S100Z: variants seen among roughly 807,000 people sequenced by gnomAD.
S100Z encodes protein S100-Z.
Under a neutral mutation model 8.5 loss-of-function variants are expected in S100Z, and 11 were observed. The ratio of observed to expected loss-of-function variants is 1.30; its 90% CI spans 0.82 to 2.15. S100Z has a LOEUF of 2.15. S100Z is among the 30% of genes most tolerant of loss of function. The probability of loss-of-function intolerance (pLI) is 0.00; values close to 1 mark genes in which losing one functional copy is unlikely to be tolerated. For missense variants in S100Z, 126 were observed against 117.9 expected (o/e 1.07, Z -0.32); for synonymous variants, 34 against 43.8 (o/e 0.78, Z 0.89).
At chr5:76,909,685 C>T (rs1213817743) in intron 4 of S100Z, among the ~76,000 whole-genome samples, 2 of 152,136 alleles carry the variant, frequency 1.3e-5, no homozygotes. Flanking sequence ...CAGTTATGTC[C>T]CCTTCAAGCT....
chr5:76,946,164 T>C, the S100Z span, among the ~76,000 whole-genome samples: 11,979 of 152,268 alleles, frequency 0.079, 775 homozygotes, highest in African/African-American at 0.18. Context: ...TTGTTTCTGA[T>C]TCACTGCGAT....
the S100Z span, among the ~76,000 whole-genome samples, chr5:76,928,779 C>T: frequency 0.022 from 3,390 of 152,274 alleles, 64 homozygotes; most frequent in Non-Finnish European, 0.034. Flanking sequence ...CTCACTCTGT[C>T]GCCCAAGCTG....
intron 4 of S100Z, among the ~76,000 whole-genome samples, chr5:76,912,013 C>T (rs1410494333): frequency 6.6e-6 from 1 of 152,162 alleles, no homozygotes; most frequent in Non-Finnish European, 1.5e-5. Flanking sequence ...AACCCCACAA[C>T]CAGTGGCATA....
chr5:76,934,075 A>G, the S100Z span, among the ~76,000 whole-genome samples: 1 of 152,234 alleles, frequency 6.6e-6, no homozygotes, highest in Non-Finnish European at 1.5e-5. Flanking sequence ...CTTATACTAA[A>G]TAACTTGCCC....
intron 2 of S100Z, among the ~76,000 whole-genome samples, chr5:76,872,491 A>G (rs1482180047): frequency 6.6e-6 from 1 of 151,930 alleles, no homozygotes; most frequent in Admixed American, 6.6e-5. Flanking sequence ...GGGAGACCCC[A>G]TATCTACAAA....
downstream of S100Z, among the ~76,000 whole-genome samples, chr5:76,925,951 A>G (rs2150692793): frequency 6.6e-6 from 1 of 152,312 alleles, no homozygotes; most frequent in Middle Eastern, 3.4e-3. Flanking sequence ...TGGGTGACAG[A>G]GTGAGACTCC....
chr5:76,872,189 G>C (rs1743035352), intron 2 of S100Z, among the ~76,000 whole-genome samples: 1 of 152,124 alleles, frequency 6.6e-6, no homozygotes, highest in Non-Finnish European at 1.5e-5. Context: ...CGAGGCTGCA[G>C]TGAGCCATTA....
At position 76,882,748 on chromosome 5, in the gene S100Z, T is replaced by C. The variant is rs578178965; in HGVS notation, c.*2+4914T>C. On this transcript the variant is annotated intron_variant, in intron 4 of 4. Transcript: ENST00000317593. ...AGTAATGGGGGCTGTCCGTGAAGCC[T>C]TGTGGCAGTACAGCCCAGGTAATTT... Among the ~76,000 whole-genome samples, 4 of 152,322 alleles carry C rather than the reference T, an allele frequency of 2.6e-5. No homozygotes were observed. The East Asian group carries it at 5.8e-4, about 22-fold the overall frequency.
intron 1 of S100Z, among the ~76,000 whole-genome samples, chr5:76,853,958 T>C (rs1750804850): frequency 6.6e-6 from 1 of 152,066 alleles, no homozygotes; most frequent in Admixed American, 6.6e-5. Flanking sequence ...TCTGGTTGTT[T>C]GAAAGATCTT....
At chr5:76,859,930 G>T (rs1751007502) in intron 1 of S100Z, among the ~76,000 whole-genome samples, 1 of 152,144 alleles carries the variant, frequency 6.6e-6, no homozygotes. Flanking sequence ...ACCCAAAACT[G>T]GCAAATCCAG....
intron 1 of S100Z, among the ~76,000 whole-genome samples, chr5:76,867,471 T>C (rs1742803833): frequency 6.6e-6 from 1 of 152,180 alleles, no homozygotes; most frequent in South Asian, 2.1e-4. Context: ...CTTCTTCACA[T>C]ACGTCTTGTC....
intron 4 of S100Z, among the ~76,000 whole-genome samples, chr5:76,882,977 A>C (rs148962376): frequency 0.011 from 1,749 of 152,292 alleles, 39 homozygotes; most frequent in African/African-American, 0.039. Context: ...TTGGTTGATA[A>C]GGCGCAGATC....
intron 4 of S100Z, among the ~76,000 whole-genome samples, chr5:76,913,801 G>GT (rs1183500482): frequency 6.6e-6 from 1 of 152,158 alleles, no homozygotes; most frequent in African/African-American, 2.4e-5. Flanking sequence ...GAAGAGTGCT[G>GT]TTTTTATACT....
chr5:76,902,760 AG>A (rs1744279053), intron 4 of S100Z, among the ~76,000 whole-genome samples: 2 of 151,404 alleles, frequency 1.3e-5, no homozygotes, highest in African/African-American at 4.9e-5. Context: ...TTTTAATTTT[AG>A]ATGCTCTCTT....
the S100Z span, among the ~76,000 whole-genome samples, chr5:76,933,691 T>G: frequency 3.9e-5 from 6 of 152,298 alleles, no homozygotes; most frequent in East Asian, 9.6e-4. Context: ...ACTTGAAAAT[T>G]TATTCTCATT....
intron 4 of S100Z, among the ~76,000 whole-genome samples, chr5:76,910,515 G>C (rs1256220674): frequency 6.6e-6 from 1 of 152,180 alleles, no homozygotes; most frequent in South Asian, 2.1e-4. Context: ...GGGATGGCTT[G>C]TTATCAGTGT....
chr5:76,869,214 A>C (rs12152998), intron 1 of S100Z, among the ~76,000 whole-genome samples: 63,924 of 151,858 alleles, frequency 0.42, 13,793 homozygotes, highest in East Asian at 0.67. Context: ...GAACTCATTC[A>C]AAGTGTGGAG....
chr5:76,868,623 C>CTTTT (rs35398110), intron 1 of S100Z, among the ~76,000 whole-genome samples: 10 of 122,846 alleles, frequency 8.1e-5, no homozygotes, highest in Non-Finnish European at 9.8e-5. Context: ...AATTCAAACT[C>CTTTT]TTTTTTTTTT....
At chr5:76,918,704 A>C (rs1744936009) in intron 4 of S100Z, among the ~76,000 whole-genome samples, 1 of 152,160 alleles carries the variant, frequency 6.6e-6, no homozygotes, top group Admixed American at 6.5e-5. Flanking sequence ...ATTATTACCC[A>C]GTGTCTGTAG....
Sources: allele counts gnomAD v4.1 joint callset (sites outside exome capture counted in the v4.1 genomes callset), GRCh38; gene constraint gnomAD v4.1.1; transcripts MANE v1.5; gene names NCBI Gene and HGNC (gene_info 2026-07-23, HGNC 2026-07-21).